TCF12: variants seen among roughly 807,000 people sequenced by gnomAD.
TCF12 encodes the protein transcription factor 12.
Under a neutral mutation model 86.0 loss-of-function variants are expected in TCF12, and 45 were observed. The observed-to-expected ratio is 0.52, with a 90% confidence interval of 0.41 to 0.67. The LOEUF is 0.67. Among genes scored for constraint, TCF12 ranks in the 30% least tolerant of loss-of-function variants. The pLI is 0.00. For missense variants in TCF12, 881 were observed against 859.9 expected (o/e 1.02, Z -0.31); for synonymous variants, 330 against 299.6 (o/e 1.10, Z -1.05).
intron 8 of TCF12, among the ~76,000 whole-genome samples, chr15:57,203,258 CTTT>C (rs1202154566): frequency 6.6e-6 from 1 of 151,600 alleles, no homozygotes; most frequent in Non-Finnish European, 1.5e-5. Flanking sequence ...GGAGTCGACA[CTTT>C]TTTTTTCCTT....
intron 5 of TCF12, among the ~76,000 whole-genome samples, chr15:57,158,183 C>G (rs2054248048): frequency 9.8e-6 from 1 of 102,432 alleles, no homozygotes; most frequent in Non-Finnish European, 2.4e-5. Context: ...CTCAGAAAGT[C>G]GTTTCTTTTT....
At chr15:57,007,818 C>CT (rs1491058423) in intron 3 of TCF12, among the ~76,000 whole-genome samples, 1 of 128,908 alleles carries the variant, frequency 7.8e-6, no homozygotes, top group African/African-American at 3.0e-5. Context: ...TTCTTTCTTT[C>CT]TTTTTCTTTC....
At chr15:57,203,779 C>A (rs1403530273) in intron 8 of TCF12, among the ~76,000 whole-genome samples, 1 of 152,172 alleles carries the variant, frequency 6.6e-6, no homozygotes, top group African/African-American at 2.4e-5. Context: ...GGCACGGTGG[C>A]TGTAGTCCCA....
At chr15:57,018,317 T>G (rs2065270232) in intron 3 of TCF12, among the ~76,000 whole-genome samples, 1 of 152,220 alleles carries the variant, frequency 6.6e-6, no homozygotes, top group African/African-American at 2.4e-5. Flanking sequence ...ATTGTTAAGC[T>G]ATGTGTGTGG....
rs200521430 is a variant in TCF12, at chr15:57,208,700, T to TA, written c.579+10884dup. 3.3e-5 allele frequency among the ~76,000 whole-genome samples: 5 copies of TA among 151,018 alleles called. No homozygotes were observed. In the South Asian group the frequency reaches 6.3e-4, roughly 19 times the overall value. On this transcript the variant is annotated intron_variant, in intron 8 of 20. Transcript: ENST00000333725. ...GCACCCAGCCTGGAAAGAAAGAACT[T>TA]AAAAAAAAATTTTTTTTTTTCTTTT...
chr15:57,197,916 C>T (rs1282220748), intron 8 of TCF12, 91 bp downstream of exon 8: 9 of 1,257,332 alleles, frequency 7.2e-6, no homozygotes, highest in African/African-American at 6.0e-5. Flanking sequence ...TCGATTGATG[C>T]GAGTGGGCAT....
intron 8 of TCF12, among the ~76,000 whole-genome samples, chr15:57,221,393 T>TGTGTGC (rs2058586407): frequency 6.6e-6 from 1 of 151,430 alleles, no homozygotes; most frequent in South Asian, 2.1e-4. Flanking sequence ...GGTGTGTGTG[T>TGTGTGC]GTGTGTGTGT....
chr15:57,256,129 T>C (rs1201652711), intron 16 of TCF12, among the ~76,000 whole-genome samples: 5 of 152,246 alleles, frequency 3.3e-5, no homozygotes, highest in African/African-American at 1.2e-4. Flanking sequence ...GAGTCAGTAT[T>C]CATCTCCTGT....
At chr15:57,071,929 G>C (rs1386111524) in intron 4 of TCF12, among the ~76,000 whole-genome samples, 2 of 152,134 alleles carry the variant, frequency 1.3e-5, no homozygotes, top group Non-Finnish European at 2.9e-5. Context: ...TAATAAATCA[G>C]CTTACTTTGT....
intron 3 of TCF12, among the ~76,000 whole-genome samples, chr15:57,011,096 A>G (rs1166717514): frequency 6.6e-6 from 1 of 152,194 alleles, no homozygotes; most frequent in African/African-American, 2.4e-5. Context: ...TGTTCACTGT[A>G]GCAATCATTT....
At chr15:57,106,103 T>G (rs1412139812) in intron 5 of TCF12, among the ~76,000 whole-genome samples, 1 of 152,224 alleles carries the variant, frequency 6.6e-6, no homozygotes, top group Non-Finnish European at 1.5e-5. Context: ...GAAAGATCTC[T>G]GAGATACATT....
chr15:57,113,799 A>G (rs1189446788), intron 5 of TCF12, among the ~76,000 whole-genome samples: 1 of 151,548 alleles, frequency 6.6e-6, no homozygotes, highest in African/African-American at 2.4e-5. Flanking sequence ...AAAAAAAAAA[A>G]ATTCAGCTAG....
rs552338202 is a variant in TCF12 at position 56,974,182 on chromosome 15, T to C, written c.148+53084T>C. 2.6e-5 allele frequency among the ~76,000 whole-genome samples: 4 copies of C among 152,264 alleles called. No individual in the cohort carries two copies. In the East Asian group the frequency reaches 7.7e-4, roughly 29 times the overall value. On this transcript the variant is annotated intron_variant, in intron 3 of 20. Coordinates refer to ENST00000333725, the MANE Select transcript of TCF12 (RefSeq NM_207037.2). ...TTTCCTGATTTTGAAAATTGTATTT[T>C]GATTTTAAGAAAATATTCTTTTTAG...
intron 5 of TCF12, among the ~76,000 whole-genome samples, chr15:57,149,211 C>A (rs1001143839): frequency 5.3e-5 from 8 of 152,080 alleles, no homozygotes; most frequent in African/African-American, 1.7e-4. Context: ...CAATTTTCAC[C>A]AGTGTTTTTC....
At chr15:57,186,998 T>C (rs1296006815) in intron 6 of TCF12, among the ~76,000 whole-genome samples, 1 of 152,092 alleles carries the variant, frequency 6.6e-6, no homozygotes, top group Non-Finnish European at 1.5e-5. Context: ...ATGGCCAACA[T>C]GATGAAACTC....
chr15:57,069,149 G>A (rs2733185), intron 4 of TCF12, among the ~76,000 whole-genome samples: 86,422 of 151,722 alleles, frequency 0.57, 24,849 homozygotes, highest in Admixed American at 0.61. Flanking sequence ...ATCCTGGGGT[G>A]GGAGTAGGAG....
chr15:56,965,448 A>G (rs1595885114), intron 3 of TCF12, among the ~76,000 whole-genome samples: 1 of 152,336 alleles, frequency 6.6e-6, no homozygotes, highest in South Asian at 2.1e-4. Flanking sequence ...TGGTACTACA[A>G]AAACTTTTTG....
intron 3 of TCF12, among the ~76,000 whole-genome samples, chr15:56,967,832 A>G (rs532265858): frequency 1.3e-5 from 2 of 152,328 alleles, no homozygotes; most frequent in South Asian, 2.1e-4. Context: ...CATAGTAACC[A>G]TAGTAGAATT....
At chr15:57,166,336 C>T (rs1228840110) in intron 5 of TCF12, 66 bp from the exon 6 acceptor site, 1 of 1,296,970 alleles carries the variant, frequency 7.7e-7, no homozygotes, top group Non-Finnish European at 1.1e-6. Flanking sequence ...CATGAATAGT[C>T]TAGCAGTTTG....
Sources: gnomAD v4.1 joint callset for allele counts (sites outside exome capture counted in the v4.1 genomes callset) on GRCh38, gnomAD v4.1.1 for gene constraint, MANE v1.5 for transcripts, NCBI Gene and HGNC (gene_info 2026-07-23, HGNC 2026-07-21) for gene names.